The following AGPS variants were observed in gnomAD, a reference collection of about 807,000 sequenced individuals.
AGPS encodes alkyldihydroxyacetonephosphate synthase, peroxisomal.
Under a neutral mutation model 90.7 loss-of-function variants are expected in AGPS, and 26 were observed. That is an observed-to-expected ratio of 0.29 (90% CI 0.21 to 0.40). The LOEUF (loss-of-function observed/expected upper bound fraction) is 0.40, where lower values mean the gene tolerates loss of function less well. Among genes scored for constraint, AGPS ranks in the 10% least tolerant of loss-of-function variants. The pLI, the probability that AGPS is intolerant of heterozygous loss-of-function variation, is 1.00. For synonymous variants in AGPS, 294 were observed against 285.3 expected, an observed-to-expected ratio of 1.03 and a Z score of -0.31; for missense variants, 540 against 816.1, an observed-to-expected ratio of 0.66 and a Z score of 4.12.
At chr2:177,529,096 A>T (rs1431788367) in intron 19 of AGPS, among the ~76,000 whole-genome samples, 2 of 151,964 alleles carry the variant, frequency 1.3e-5, no homozygotes, top group Admixed American at 6.6e-5. Context: ...ACCTCAGGTG[A>T]TCCACCTGTC....
intron 14 of AGPS, 96 bp downstream of exon 14, chr2:177,499,826 C>T: frequency 1.3e-6 from 1 of 793,776 alleles, no homozygotes; most frequent in Non-Finnish European, 2.2e-6. Flanking sequence ...TTAATGTCTC[C>T]AAACAGACTG....
At chr2:177,433,693 T>G (rs1313406898) in intron 2 of AGPS, among the ~76,000 whole-genome samples, 1 of 152,190 alleles carries the variant, frequency 6.6e-6, no homozygotes, top group African/African-American at 2.4e-5. Context: ...ACTTTTTTTT[T>G]CTTAAATCAA....
intron 19 of AGPS, among the ~76,000 whole-genome samples, chr2:177,524,055 T>C (rs2079057445): frequency 6.6e-6 from 1 of 152,182 alleles, no homozygotes; most frequent in Non-Finnish European, 1.5e-5. Flanking sequence ...AGGGACCTCA[T>C]GTTATCAGAG....
chr2:177,503,908 G>C (rs1321024202), intron 14 of AGPS, among the ~76,000 whole-genome samples: 1 of 152,084 alleles, frequency 6.6e-6, no homozygotes, highest in East Asian at 1.9e-4. Flanking sequence ...GAACAGATCT[G>C]TTTCCTCCCT....
chr2:177,506,608 C>A (rs925625301), intron 15 of AGPS, among the ~76,000 whole-genome samples: 1 of 152,038 alleles, frequency 6.6e-6, no homozygotes, highest in Non-Finnish European at 1.5e-5. Flanking sequence ...CAGCTAAAAT[C>A]TAAATGTTAA....
chr2:177,446,383 C>T (rs549853815), intron 8 of AGPS, among the ~76,000 whole-genome samples: 4 of 152,162 alleles, frequency 2.6e-5, no homozygotes, highest in African/African-American at 7.2e-5. Context: ...CCTCGTGATC[C>T]GCCCGCCTCG....
At chr2:177,447,463 T>G (rs1686811389) in intron 8 of AGPS, among the ~76,000 whole-genome samples, 1 of 152,100 alleles carries the variant, frequency 6.6e-6, no homozygotes, top group Non-Finnish European at 1.5e-5. Flanking sequence ...TAAAAAGTCC[T>G]GTATCAGTAT....
intron 2 of AGPS, among the ~76,000 whole-genome samples, chr2:177,429,763 C>T (rs1352272739): frequency 6.6e-6 from 1 of 152,196 alleles, no homozygotes; most frequent in African/African-American, 2.4e-5. Flanking sequence ...CTGGAGACCC[C>T]TGTTGGGAGC....
chr2:177,418,899 C>A (rs573614520), intron 1 of AGPS, among the ~76,000 whole-genome samples: 1 of 151,908 alleles, frequency 6.6e-6, no homozygotes, highest in Non-Finnish European at 1.5e-5. Flanking sequence ...GTTCCAAAAT[C>A]TCTCTCTGCA....
chr2:177,416,509 G>A (rs1378842912), intron 1 of AGPS, among the ~76,000 whole-genome samples: 1 of 151,878 alleles, frequency 6.6e-6, no homozygotes, highest in Non-Finnish European at 1.5e-5. Flanking sequence ...CTTTCGGCAG[G>A]AGGAGGGTTT....
At chr2:177,429,910 C>T (rs1185065883) in intron 2 of AGPS, among the ~76,000 whole-genome samples, 2 of 152,208 alleles carry the variant, frequency 1.3e-5, no homozygotes, top group Non-Finnish European at 2.9e-5. Flanking sequence ...AACTGAACTG[C>T]AGAGACATCG....
intron 17 of AGPS, among the ~76,000 whole-genome samples, chr2:177,519,851 G>A (rs1689128207): frequency 6.6e-6 from 1 of 152,218 alleles, no homozygotes; most frequent in Admixed American, 6.5e-5. Flanking sequence ...TATCAGCAAA[G>A]TAAAGGAATA....
intron 16 of AGPS, among the ~76,000 whole-genome samples, chr2:177,509,135 T>G (rs1487510209): frequency 1.3e-5 from 2 of 152,220 alleles, no homozygotes; most frequent in African/African-American, 4.8e-5. Context: ...TTTTTACTTT[T>G]CTACATGCAG....
intron 15 of AGPS, among the ~76,000 whole-genome samples, chr2:177,507,628 C>T (rs1034060877): frequency 1.3e-5 from 2 of 152,140 alleles, no homozygotes; most frequent in South Asian, 4.1e-4. Flanking sequence ...CTATTTATGC[C>T]ACTAAAATTC....
chr2:177,531,802 C>T (rs898635787), intron 19 of AGPS, among the ~76,000 whole-genome samples: 2 of 151,924 alleles, frequency 1.3e-5, no homozygotes, highest in Non-Finnish European at 1.5e-5. Flanking sequence ...ACACATAGAT[C>T]AGTGGAACAG....
intron 11 of AGPS, among the ~76,000 whole-genome samples, chr2:177,483,137 G>A (rs559330484): frequency 5.3e-5 from 8 of 152,234 alleles, no homozygotes; most frequent in South Asian, 2.1e-4. Flanking sequence ...GAATCATATC[G>A]AGCAAGTAGT....
At chr2:177,483,863 G>A (rs1056727910) in intron 11 of AGPS, among the ~76,000 whole-genome samples, 1 of 152,092 alleles carries the variant, frequency 6.6e-6, no homozygotes, top group Non-Finnish European at 1.5e-5. Context: ...GTGTGTTCTG[G>A]TACTTGTTTC....
At chr2:177,425,704 G>T (rs528398941) in intron 2 of AGPS, among the ~76,000 whole-genome samples, 22 of 151,412 alleles carry the variant, frequency 1.5e-4, no homozygotes, top group Non-Finnish European at 2.7e-4. Context: ...ATGGTTGTAG[G>T]TGTGCAGTCT....
intron 11 of AGPS, among the ~76,000 whole-genome samples, chr2:177,484,458 C>G (rs1419649571): frequency 6.6e-6 from 1 of 151,690 alleles, no homozygotes; most frequent in Non-Finnish European, 1.5e-5. Context: ...ATTCTCTTGC[C>G]TCAGCCTCCC....
Sources: allele counts gnomAD v4.1 joint callset (sites outside exome capture counted in the v4.1 genomes callset), GRCh38; gene constraint gnomAD v4.1.1; transcripts MANE v1.5; gene names NCBI Gene and HGNC (gene_info 2026-07-23, HGNC 2026-07-21).